PTGES2: variants seen among roughly 807,000 people sequenced by gnomAD.
The protein encoded by PTGES2 is prostaglandin E synthase 2, also known as GATE-binding factor 1.
Under a neutral mutation model 44.5 loss-of-function variants are expected in PTGES2, and 35 were observed. The observed-to-expected ratio is 0.79, with a 90% confidence interval of 0.60 to 1.04. The LOEUF (loss-of-function observed/expected upper bound fraction) is 1.04. Ranked by LOEUF, PTGES2 falls within the 50% of genes least tolerant of loss-of-function variation. PTGES2 has a pLI of 0.00. For missense variants in PTGES2, 517 were observed against 521.4 expected (o/e 0.99, Z 0.08); for synonymous variants, 221 against 227.5 (o/e 0.97, Z 0.26).
Position 128,124,480 on chromosome 9 carries a change from G to A in PTGES2, c.536+12C>T. ...AAAGCAATGGCCACCTGGTCTCCGA[G>A]GGGCTCCTTACCCCGACACCAGGTA... On this transcript the variant is annotated intron_variant, in intron 3 of 6. Transcript: ENST00000338961. 5.0e-6 allele frequency: 8 copies of A among 1,613,150 alleles called. No homozygotes were observed. Among genetic ancestry groups the A allele is most frequent in the Non-Finnish European group, 5.1e-6 (6 of 1,179,476 alleles).
Position 128,122,997 on chromosome 9 carries a change from C to G in PTGES2, c.824G>C (p.Gly275Ala). 6.2e-7 allele frequency: 1 copy of G among 1,614,024 alleles called. No individual in the cohort carries two copies. Among genetic ancestry groups the G allele is most frequent in the African/African-American group, 1.3e-5 (1 of 75,038 alleles). The change falls in exon 5 of 7, where the codon GGT (glycine) becomes GCT (alanine). Residue 275 changes from glycine (G) to alanine (A), a missense_variant. By Grantham distance (60) the Gly-to-Ala change is moderately conservative. Coordinates refer to ENST00000338961, the MANE Select transcript of PTGES2 (RefSeq NM_025072.7). The part of the protein sequence containing the change: ...VREGKFGAVE[G>A]AVAKYMGAAA... ...TGCACCCATGTACTTGGCCACGGCA[C>G]CCTCCACGGCTCCGAACTTGCCCTC...
In PTGES2 at chr9:128,121,283, G is replaced by C. The variant is rs199757202; in HGVS notation, c.1006-10C>G. The C allele has an allele frequency of 2.9e-5, 46 of 1,602,130 alleles. No homozygotes were observed. In the African/African-American group the frequency reaches 3.9e-4, roughly 14 times the overall value. Reference sequence around the variant, plus strand: ...GCACGCCATACACCGCCTGGGGCACGAACAGAAACGTGTCACCATAGCTGG... The same window carrying C: ...GCACGCCATACACCGCCTGGGGCACCAACAGAAACGTGTCACCATAGCTGG... On this transcript the variant is annotated splice_polypyrimidine_tract_variant and intron_variant, in intron 6 of 6. Transcript: ENST00000338961.
At chr9:128,124,465 C>A in intron 3 of PTGES2, 27 bp downstream of exon 3, 1 of 1,610,670 alleles carries the variant, frequency 6.2e-7, no homozygotes, top group South Asian at 1.1e-5. Flanking sequence ...AAAGCAATGG[C>A]CACCTGGTCT....
At chr9:128,122,535 G>C in intron 5 of PTGES2, 56 bp from the exon 6 acceptor site, 4 of 1,479,020 alleles carry the variant, frequency 2.7e-6, no homozygotes, top group Non-Finnish European at 3.8e-6. Flanking sequence ...GCCCAGCAGG[G>C]AAGAGGGTCT....
Position 128,127,551 on chromosome 9 carries a change from G to A in PTGES2, c.167C>T (p.Pro56Leu), listed in dbSNP as rs967612434. The A allele has an allele frequency of 8.1e-5, 104 of 1,288,726 alleles. No homozygotes were observed. Among genetic ancestry groups the A allele is most frequent in the Non-Finnish European group, 1.0e-4 (102 of 1,018,476 alleles). 79.8% of individuals were successfully genotyped at this position (1,288,726 alleles called of 1,614,324 possible). The change falls in exon 1 of 7, where the codon CCG becomes CTG. Residue 56 changes from proline to leucine, a missense_variant. Coordinates refer to ENST00000338961, the MANE Select transcript of PTGES2 (RefSeq NM_025072.7). ...CAGCGCCGCAGCTCCCAGCAGCCGC[G>A]GGCTCCCCTTACGAGCTGCAGCCAC... ...SPVAAARKGS[P>L]RLLGAAALAL...
In PTGES2 at chr9:128,125,302, A is replaced by G. The variant is rs956748465; in HGVS notation, c.419T>C (p.Ile140Thr). The change falls in exon 2 of 7, where the codon ATC (isoleucine) becomes ACC (threonine). Residue 140 changes from isoleucine to threonine, a missense_variant. Transcript: ENST00000338961. ...CACCTTTCTGTAGGAGGAGAACTTG[A>G]TCTCAGCCCTGCGCACAGGGTTCAC... ...VEVNPVRRAEIKFSSYRKVPI... is the reference protein window; with the variant it reads ...VEVNPVRRAETKFSSYRKVPI... 3.1e-6 allele frequency: 5 copies of G among 1,613,478 alleles called. No homozygotes were observed. The highest frequency in any genetic ancestry group is 4.2e-6 in the Non-Finnish European group (5 of 1,179,732).
At chr9:128,127,848 C>A, upstream of PTGES2, 1 of 938,798 alleles carries the variant, frequency 1.1e-6, no homozygotes, top group East Asian at 3.5e-5. Context: ...GAACCCTCAG[C>A]GCTCTCGGGA....
upstream of PTGES2, chr9:128,127,758 G>A: frequency 8.0e-7 from 1 of 1,245,742 alleles, no homozygotes; most frequent in East Asian, 3.2e-5. Context: ...GCGAAACGAA[G>A]ACGCCGAGGC....
intron 1 of PTGES2, among the ~76,000 whole-genome samples, chr9:128,126,629 C>T (rs1399047554): frequency 2.0e-5 from 3 of 151,890 alleles, no homozygotes; most frequent in Non-Finnish European, 4.4e-5. Flanking sequence ...GAGGCCGAGG[C>T]GGGTGGCTCA....
chr9:128,121,329 C>A, intron 6 of PTGES2, 56 bp from the exon 7 acceptor site: 1 of 1,566,612 alleles, frequency 6.4e-7, no homozygotes, highest in South Asian at 1.2e-5. Flanking sequence ...ATCCAGACCT[C>A]CTTCGTTCCC....
rs767832921 is a variant in PTGES2 at position 128,121,209 on chromosome 9, G to A, written c.1070C>T (p.Thr357Met). ...CCGCAGGTACCAGGGCTGGATGTGC[G>A]TGTGCTGCATCAGGTCATCGAACGC... ...LDAFDDLMQH[T>M]HIQPWYLRVE... Residue 357 changes from threonine to methionine, a missense_variant, in exon 7 of 7, where the codon ACG becomes ATG. Physicochemically the swap from Thr to Met is moderately conservative, Grantham distance 81 (BLOSUM62 -1). Transcript: ENST00000338961. 1.6e-5 allele frequency: 26 copies of A among 1,597,236 alleles called. No individual in the cohort carries two copies. Among genetic ancestry groups the A allele is most frequent in the East Asian group, 6.8e-5 (3 of 43,906 alleles).
At chr9:128,122,646 G>T in intron 5 of PTGES2, 167 bp from the exon 6 acceptor site, 1 of 652,888 alleles carries the variant, frequency 1.5e-6, no homozygotes, top group Non-Finnish European at 2.6e-6. Context: ...AGACGGGGAG[G>T]CTGTGGTAAA....
Position 128,127,682 on chromosome 9 carries a change from C to G in PTGES2, c.36G>C (p.Trp12Cys), listed in dbSNP as rs1377096782. ...TCCAGGCCAAGGCGCACCCACCAGG[C>G]CACAGCGCCCGCACCACCCGCGCAG... ...DPAARVVRAL[W>C]PGGCALAWRL... is the part of the protein sequence containing the mutation. The change falls in exon 1 of 7, where the codon TGG becomes TGC. Residue 12 changes from tryptophan to cysteine, a missense_variant. Trp to Cys is a radical substitution (Grantham distance 215). Coordinates refer to ENST00000338961, the MANE Select transcript of PTGES2 (RefSeq NM_025072.7). The G allele has an allele frequency of 2.3e-6, 3 of 1,296,612 alleles. No individual in the cohort carries two copies. The highest frequency in any genetic ancestry group is 6.3e-5 in the East Asian group (2 of 31,812). 80.3% of individuals were successfully genotyped at this position (1,296,612 alleles called of 1,614,324 possible). A position where few individuals can be genotyped will look rare whatever the true frequency, so the allele number is the denominator to read the frequency against.
intron 3 of PTGES2, chr9:128,124,186 C>T (rs563629400): frequency 9.8e-5 from 34 of 347,580 alleles, no homozygotes; most frequent in Non-Finnish European, 1.8e-4. Context: ...CGGGTTCAAG[C>T]GATTCTCCTG....
At chr9:128,121,897 C>T (rs1048416859) in intron 6 of PTGES2, among the ~76,000 whole-genome samples, 1 of 151,334 alleles carries the variant, frequency 6.6e-6, no homozygotes, top group African/African-American at 2.4e-5. Flanking sequence ...TGGGTGACAG[C>T]GTGAGACTTG....
At position 128,127,725 on chromosome 9, in the gene PTGES2, C is replaced by G; in HGVS notation, c.-8G>C. 8.0e-7 allele frequency: 1 copy of G among 1,256,090 alleles called. No individual in the cohort carries two copies. The allele number at this position is 1,256,090 out of a possible 1,614,324, so 77.8% of individuals were successfully genotyped here. A position where few individuals can be genotyped will look rare whatever the true frequency, so the allele number is the denominator to read the frequency against. On this transcript the variant is annotated 5_prime_UTR_variant, in exon 1 of 7. Coordinates refer to ENST00000338961, the MANE Select transcript of PTGES2 (RefSeq NM_025072.7). ...CCGCGCAGCCGGGTCCATGTTCGCT[C>G]CGCCGGCGCCGCGGGCGGGCGCGCG... is the stretch of plus-strand genomic sequence containing the variant.
chr9:128,126,870 A>AT (rs1834638974), intron 1 of PTGES2, among the ~76,000 whole-genome samples: 1 of 150,124 alleles, frequency 6.7e-6, no homozygotes, highest in Non-Finnish European at 1.5e-5. Flanking sequence ...GTCTCAAAAA[A>AT]AAAAAGTCTC....
rs1834497772 is a variant in PTGES2 at position 128,123,356 on chromosome 9, C to T, written c.687-222G>A. ...CCGCCTCCTGGGTTCAAGCGATTCT[C>T]CTGCTTCAGCCTCCTTAGTAGCTGG... On this transcript the variant is annotated intron_variant, in intron 4 of 6. Coordinates refer to ENST00000338961, the MANE Select transcript of PTGES2 (RefSeq NM_025072.7). The surrounding 1 kb of genome is among the most constrained non-coding windows in gnomAD (Gnocchi z 4.4). Among the ~76,000 whole-genome samples, 1 of 152,112 alleles carries T rather than the reference C, an allele frequency of 6.6e-6. No individual in the cohort carries two copies.
chr9:128,127,850 C>A (rs965787180), upstream of PTGES2: 4 of 903,220 alleles, frequency 4.4e-6, no homozygotes, highest in Non-Finnish European at 5.8e-6. Context: ...ACCCTCAGCG[C>A]TCTCGGGACT....
Sources: allele counts gnomAD v4.1 joint callset (sites outside exome capture counted in the v4.1 genomes callset), GRCh38; gene constraint gnomAD v4.1.1; non-coding constraint Gnocchi (gnomAD v3.1); transcripts MANE v1.5; gene names NCBI Gene and HGNC (gene_info 2026-07-23, HGNC 2026-07-21).